The following MARK1 variants were observed in gnomAD, a reference collection of about 807,000 sequenced individuals.
MARK1 encodes the protein microtubule affinity regulating kinase 1.
Under a neutral mutation model 96.3 loss-of-function variants are expected in MARK1, and 40 were observed. The observed-to-expected ratio is 0.42, with a 90% CI of 0.32 to 0.54. MARK1 has a LOEUF of 0.54. Among genes scored for constraint, MARK1 ranks in the 20% least tolerant of loss-of-function variants. MARK1 has a pLI of 0.16. For synonymous variants in MARK1, 317 were observed against 341.2 expected, an observed-to-expected ratio of 0.93 and a Z score of 0.78; for missense variants, 719 against 984.6, an observed-to-expected ratio of 0.73 and a Z score of 3.61.
At chr1:220,620,709 G>T (rs1667009647) in intron 9 of MARK1, among the ~76,000 whole-genome samples, 1 of 151,970 alleles carries the variant, frequency 6.6e-6, no homozygotes, top group African/African-American at 2.4e-5. Context: ...TAAAATATTT[G>T]ATCATCAGAA....
At position 220,632,277 on chromosome 1, in the gene MARK1, G is replaced by A. The variant is rs1406095169; in HGVS notation, c.1086G>A (p.Met362Ile). The A allele has an allele frequency of 3.2e-6, 5 of 1,565,664 alleles. No homozygotes were observed. The highest frequency in any genetic ancestry group is 4.3e-6 in the Non-Finnish European group (5 of 1,157,478). ...ALINQKYDEV[M>I]ATYILLGRKP... ...TAAATCAGAAGTATGATGAAGTTATGGCTACTTATATTCTTCTAGGTAGAA... is the reference window on the plus strand; with the variant it reads ...TAAATCAGAAGTATGATGAAGTTATAGCTACTTATATTCTTCTAGGTAGAA... Residue 362 changes from methionine to isoleucine, a missense_variant, in exon 11 of 18, where the codon ATG becomes ATA. Met to Ile is a conservative substitution (Grantham distance 10). This residue lies in a region of MARK1 where 501 missense variants were observed against 588.3 expected (regional missense o/e 0.85). Transcript: ENST00000366917.
intron 1 of MARK1, among the ~76,000 whole-genome samples, chr1:220,540,057 T>TA (rs1356723562): frequency 6.6e-6 from 1 of 152,162 alleles, no homozygotes; most frequent in Non-Finnish European, 1.5e-5. Context: ...CCTTACTAGT[T>TA]ATAGCTTTGT....
chr1:220,556,485 C>CAAAAA (rs55808704), intron 1 of MARK1, among the ~76,000 whole-genome samples: 173 of 85,428 alleles, frequency 2.0e-3, no homozygotes, highest in East Asian at 4.1e-3. Context: ...GGGACTGTCA[C>CAAAAA]AAAAAAAAAA....
intron 16 of MARK1, among the ~76,000 whole-genome samples, chr1:220,655,670 A>G (rs1324173810): frequency 1.3e-5 from 2 of 151,986 alleles, no homozygotes; most frequent in East Asian, 1.9e-4. Flanking sequence ...CTGAACCACT[A>G]TTCATCTTTC....
chr1:220,583,943 G>C (rs1247457284), intron 3 of MARK1, among the ~76,000 whole-genome samples: 1 of 151,242 alleles, frequency 6.6e-6, no homozygotes, highest in East Asian at 1.9e-4. Flanking sequence ...TGGGATTACA[G>C]GTGTGAGCCA....
chr1:220,638,984 C>T (rs1572216731), intron 13 of MARK1, among the ~76,000 whole-genome samples: 1 of 152,286 alleles, frequency 6.6e-6, no homozygotes, highest in South Asian at 2.1e-4. Context: ...TGGCTCATGA[C>T]TGTAATCCCA....
intron 1 of MARK1, among the ~76,000 whole-genome samples, chr1:220,558,526 GA>G (rs558048297): frequency 1.2e-3 from 178 of 151,418 alleles, no homozygotes; most frequent in African/African-American, 4.0e-3. Context: ...ATGAAAGGTT[GA>G]AAAAAAGATG....
intron 1 of MARK1, among the ~76,000 whole-genome samples, chr1:220,554,882 G>A (rs1360013118): frequency 6.6e-6 from 1 of 152,182 alleles, no homozygotes; most frequent in East Asian, 1.9e-4. Context: ...TTTTATGGTG[G>A]CACTAAACCT....
At chr1:220,588,590 A>G (rs1304700602) in intron 3 of MARK1, among the ~76,000 whole-genome samples, 1 of 152,214 alleles carries the variant, frequency 6.6e-6, no homozygotes, top group African/African-American at 2.4e-5. Flanking sequence ...TTAAATTGTT[A>G]TAGTGCTGCT....
chr1:220,554,385 A>G (rs1199259913), intron 1 of MARK1, among the ~76,000 whole-genome samples: 1 of 152,324 alleles, frequency 6.6e-6, no homozygotes, highest in African/African-American at 2.4e-5. Context: ...GTTTGGAGAC[A>G]TTTTTGGTTA....
At chr1:220,546,292 A>G (rs1050674351) in intron 1 of MARK1, among the ~76,000 whole-genome samples, 2 of 152,256 alleles carry the variant, frequency 1.3e-5, no homozygotes, top group African/African-American at 4.8e-5. Flanking sequence ...GAAAAGATTC[A>G]CATTTCATAA....
chr1:220,567,533 C>T (rs1160842506), intron 1 of MARK1, among the ~76,000 whole-genome samples: 3 of 152,052 alleles, frequency 2.0e-5, no homozygotes, highest in Non-Finnish European at 4.4e-5. Context: ...AAGAGATACC[C>T]GAAAGCTAGA....
At chr1:220,621,569 GCT>G (rs1667053669) in intron 9 of MARK1, among the ~76,000 whole-genome samples, 1 of 151,938 alleles carries the variant, frequency 6.6e-6, no homozygotes, top group African/African-American at 2.4e-5. Flanking sequence ...TCATGTATAA[GCT>G]CTCAGTGTCT....
intron 13 of MARK1, among the ~76,000 whole-genome samples, 164 bp downstream of exon 13, chr1:220,636,190 AAAC>A (rs1667955651): frequency 6.6e-6 from 1 of 152,338 alleles, no homozygotes; most frequent in East Asian, 1.9e-4. Flanking sequence ...TGCAAGTTAA[AAAC>A]AACAAAAAAG....
At chr1:220,575,032 A>G (rs1197132758) in intron 1 of MARK1, among the ~76,000 whole-genome samples, 1 of 152,202 alleles carries the variant, frequency 6.6e-6, no homozygotes, top group Admixed American at 6.5e-5. Context: ...AATATTTCTA[A>G]GGATGTATAG....
intron 1 of MARK1, among the ~76,000 whole-genome samples, chr1:220,568,428 G>A (rs1663210988): frequency 6.6e-6 from 1 of 152,126 alleles, no homozygotes. Context: ...GAATGGCTAT[G>A]AAACCAATTT....
At position 220,581,077 on chromosome 1, in the gene MARK1, A is replaced by G; in HGVS notation, c.268A>G (p.Ile90Val). 1 of 1,290,288 alleles carries G rather than the reference A, an allele frequency of 7.8e-7. No homozygotes were observed. The highest frequency in any genetic ancestry group is 1.0e-6 in the Non-Finnish European group (1 of 968,784). 79.9% of individuals were successfully genotyped at this position (1,290,288 alleles called of 1,614,324 possible). A position where few individuals can be genotyped will look rare whatever the true frequency, so the allele number is the denominator to read the frequency against. ...VLTGREVAVK[I>V]IDKTQLNPTS... ...TCTTCTTTTTTAGGTTGCTGTGAAA[A>G]TAATAGACAAAACTCAGCTAAATCC... Residue 90 changes from isoleucine to valine, a missense_variant, in exon 3 of 18, where the codon ATA (isoleucine) becomes GTA (valine). Physicochemically the swap from Ile to Val is conservative, Grantham distance 29. Transcript: ENST00000366917.
intron 2 of MARK1, among the ~76,000 whole-genome samples, chr1:220,580,774 C>T (rs76622517): frequency 0.013 from 2,019 of 152,190 alleles, 35 homozygotes; most frequent in African/African-American, 0.046. Flanking sequence ...TTATCAAGAT[C>T]GTGAGTAAAA....
intron 1 of MARK1, among the ~76,000 whole-genome samples, chr1:220,554,788 A>G (rs1662133950): frequency 4.6e-5 from 7 of 152,228 alleles, no homozygotes; most frequent in Admixed American, 4.6e-4. Flanking sequence ...TCATTTTACA[A>G]GATTCATCTG....
Sources: allele counts gnomAD v4.1 joint callset (sites outside exome capture counted in the v4.1 genomes callset), GRCh38; gene constraint gnomAD v4.1.1; regional missense constraint gnomAD v4.1.1; transcripts MANE v1.5; gene names NCBI Gene and HGNC (gene_info 2026-07-23, HGNC 2026-07-21).